Variants in THAP4 observed in about 807,000 individuals in gnomAD.
THAP4 encodes the protein THAP domain containing 4, also known as peroxynitrite isomerase THAP4.
THAP4 carries 18 observed loss-of-function variants against 48.1 expected under a neutral mutation model. That is an observed-to-expected ratio of 0.37 (90% CI 0.26 to 0.56). The LOEUF is 0.56. THAP4 is among the 20% of genes least tolerant of loss of function. The pLI, the probability that THAP4 is intolerant of heterozygous loss-of-function variation, is 0.78. For missense variants in THAP4, 656 were observed against 774.9 expected (o/e 0.85, Z 1.82); for synonymous variants, 345 against 324.9 (o/e 1.06, Z -0.66).
chr2:241,620,612 G>A (rs1301395168), intron 2 of THAP4, among the ~76,000 whole-genome samples: 1 of 146,516 alleles, frequency 6.8e-6, no homozygotes, highest in Non-Finnish European at 1.5e-5. Flanking sequence ...AGTGAGTGAG[G>A]GATGAGTGAG....
chr2:241,631,967 G>A (rs7596000), intron 2 of THAP4, among the ~76,000 whole-genome samples: 48,919 of 150,978 alleles, frequency 0.32, 8,205 homozygotes, highest in South Asian at 0.45. Flanking sequence ...TAGTGCAGTG[G>A]TGCCATCTCA....
At chr2:241,621,336 A>C (rs747267120) in intron 2 of THAP4, among the ~76,000 whole-genome samples, 1 of 152,190 alleles carries the variant, frequency 6.6e-6, no homozygotes, top group Non-Finnish European at 1.5e-5. Context: ...CAACAGAGCA[A>C]GACTCCATCT....
At chr2:241,593,419 G>C (rs964683449) in intron 5 of THAP4, among the ~76,000 whole-genome samples, 2 of 152,188 alleles carry the variant, frequency 1.3e-5, no homozygotes, top group Non-Finnish European at 2.9e-5. Flanking sequence ...AAGGAATGCT[G>C]TCCACAGCAT....
At chr2:241,622,004 G>T (rs923977896) in intron 2 of THAP4, among the ~76,000 whole-genome samples, 1 of 151,440 alleles carries the variant, frequency 6.6e-6, no homozygotes, top group Non-Finnish European at 1.5e-5. Flanking sequence ...CTATTCTTCG[G>T]GTGCAAAGGA....
Position 241,606,400 on chromosome 2 carries a change from T to C in THAP4, c.1314A>G (p.Gly438=), listed in dbSNP as rs1183496206. 1.2e-6 allele frequency: 2 copies of C among 1,603,986 alleles called. No homozygotes were observed. Among genetic ancestry groups the C allele is most frequent in the African/African-American group, 1.3e-5 (1 of 74,788 alleles). The change falls in exon 3 of 6, where the codon GGA becomes GGG. Residue 438 remains glycine, a synonymous_variant. Coordinates refer to ENST00000407315, the MANE Select transcript of THAP4 (RefSeq NM_015963.6). ...GCTGCAGTGTGGGGTAGGTCCCGGCTCCAGGTGGGTCCGACAGCCAGGTGC... is the reference window on the plus strand; with the variant it reads ...GCTGCAGTGTGGGGTAGGTCCCGGCCCCAGGTGGGTCCGACAGCCAGGTGC... ...MLGTWLSDPP[G]AGTYPTLQPF...
At chr2:241,626,081 A>G (rs2067493332) in intron 2 of THAP4, among the ~76,000 whole-genome samples, 1 of 152,174 alleles carries the variant, frequency 6.6e-6, no homozygotes. Flanking sequence ...GACACATTCC[A>G]ACATCCCATT....
chr2:241,602,913 G>T, intron 4 of THAP4, 57 bp downstream of exon 4: 1 of 1,347,694 alleles, frequency 7.4e-7, no homozygotes, highest in South Asian at 1.2e-5. Flanking sequence ...CCCCTGCTTC[G>T]AATGCAGGCA....
rs905923288 is a variant in THAP4 at position 241,635,700 on chromosome 2, C to T, written c.77+1241G>A. 6.6e-5 allele frequency among the ~76,000 whole-genome samples: 10 copies of T among 151,720 alleles called. No individual in the cohort carries two copies. The East Asian group carries it at 1.9e-3, about 29-fold the overall frequency. On this transcript the variant is annotated intron_variant, in intron 1 of 5. Transcript: ENST00000407315. Reference sequence around the variant, plus strand: ...CAGGAGAATAGCTTGAACCCAGGAGCGGGGGTTGCAGTGAGCCGAGATCGC... The same window carrying T: ...CAGGAGAATAGCTTGAACCCAGGAGTGGGGGTTGCAGTGAGCCGAGATCGC...
chr2:241,600,448 C>T (rs146337541), intron 5 of THAP4, among the ~76,000 whole-genome samples: 92 of 152,200 alleles, frequency 6.0e-4, no homozygotes, highest in African/African-American at 2.1e-3. Context: ...AAAGAACAGG[C>T]TGGGCGCGGT....
At chr2:241,592,690 T>C (rs1007293634) in intron 5 of THAP4, among the ~76,000 whole-genome samples, 14 of 152,212 alleles carry the variant, frequency 9.2e-5, no homozygotes, top group Non-Finnish European at 5.9e-5. Flanking sequence ...AGCCTCGGTC[T>C]CTTCGAGAGG....
At chr2:241,617,767 G>A (rs1467361935) in intron 2 of THAP4, among the ~76,000 whole-genome samples, 2 of 152,132 alleles carry the variant, frequency 1.3e-5, no homozygotes, top group East Asian at 3.9e-4. Flanking sequence ...CACAGAGACA[G>A]GCACATCCTA....
Position 241,634,032 on chromosome 2 carries a change from A to T in THAP4, c.125T>A (p.Val42Asp). The T allele has an allele frequency of 6.2e-7, 1 of 1,612,520 alleles. No individual in the cohort carries two copies. Among genetic ancestry groups the T allele is most frequent in the Non-Finnish European group, 8.5e-7 (1 of 1,179,272 alleles). Residue 42 changes from valine (V) to aspartate (D), a missense_variant, in exon 2 of 6, where the codon GTT becomes GAT. Transcript: ENST00000407315. ...AGTGGGAGTCCAGTTATCCCTCTGA[A>T]CAGCTTTTAACCATTGGATTAGACG... The part of the protein sequence containing the change: ...SKRLIQWLKA[V>D]QRDNWTPTKY...
At position 241,629,929 on chromosome 2, in the gene THAP4, A is replaced by G. The variant is rs138615735; in HGVS notation, c.1240+2988T>C. ...GACTAACACAAGTAAGCAAGTGCCC[A>G]GCTTCAGGCGGGAACAATATAACCA... On this transcript the variant is annotated intron_variant, in intron 2 of 5. Coordinates refer to ENST00000407315, the MANE Select transcript of THAP4 (RefSeq NM_015963.6). 1.4e-4 allele frequency among the ~76,000 whole-genome samples: 21 copies of G among 152,182 alleles called. No homozygotes were observed. The East Asian group carries it at 3.5e-3, about 25-fold the overall frequency.
chr2:241,596,245 G>A (rs1023807139), intron 5 of THAP4, among the ~76,000 whole-genome samples: 5 of 152,172 alleles, frequency 3.3e-5, no homozygotes, highest in Admixed American at 6.5e-5. Flanking sequence ...AGTGGCTCAC[G>A]CCTGTAATCC....
At chr2:241,622,490 G>C (rs564805889) in intron 2 of THAP4, among the ~76,000 whole-genome samples, 1 of 152,084 alleles carries the variant, frequency 6.6e-6, no homozygotes, top group South Asian at 2.1e-4. Flanking sequence ...TATGATATAC[G>C]TCAGAAACTA....
intron 5 of THAP4, among the ~76,000 whole-genome samples, chr2:241,589,097 G>A (rs1038071389): frequency 1.3e-5 from 2 of 151,640 alleles, no homozygotes; most frequent in African/African-American, 2.4e-5. Context: ...CCTGTAATCC[G>A]AGCTACTTGG....
At chr2:241,619,769 G>C (rs1321827270) in intron 2 of THAP4, among the ~76,000 whole-genome samples, 1 of 142,982 alleles carries the variant, frequency 7.0e-6, no homozygotes, top group African/African-American at 2.7e-5. Context: ...TGAGTGAGGG[G>C]TGAGTGAGTC....
chr2:241,604,250 T>C (rs1006513559), intron 3 of THAP4, among the ~76,000 whole-genome samples: 3 of 151,682 alleles, frequency 2.0e-5, no homozygotes, highest in African/African-American at 4.9e-5. Flanking sequence ...TATTTATTTA[T>C]TTATTTATTT....
rs1346357103 is a variant in THAP4 at position 241,637,111 on chromosome 2, G to A, written c.-94C>T. ...GAGGGAGGGAGCGCGGCGGCGACAC[G>A]GCTCGGGACGTGGGCCGGCCCGCGG... On this transcript the variant is annotated 5_prime_UTR_variant, in exon 1 of 6. Transcript: ENST00000407315. 104 of 1,009,420 alleles carry A rather than the reference G, an allele frequency of 1.0e-4. No individual in the cohort carries two copies. The highest frequency in any genetic ancestry group is 1.2e-4 in the Non-Finnish European group (100 of 849,060). 62.5% of individuals were successfully genotyped at this position (1,009,420 alleles called of 1,614,324 possible). A position where few individuals can be genotyped will look rare whatever the true frequency, so the allele number is the denominator to read the frequency against.
Sources: allele counts gnomAD v4.1 joint callset (sites outside exome capture counted in the v4.1 genomes callset), GRCh38; gene constraint gnomAD v4.1.1; transcripts MANE v1.5; gene names NCBI Gene and HGNC (gene_info 2026-07-23, HGNC 2026-07-21).